TTC39C: variants seen among roughly 807,000 people sequenced by gnomAD.
TTC39C encodes tetratricopeptide repeat domain 39C.
A neutral mutation model predicts 76.3 loss-of-function variants in TTC39C; 33 were observed. That is an observed-to-expected ratio of 0.43 (90% CI 0.33 to 0.58). The LOEUF (loss-of-function observed/expected upper bound fraction) is 0.58. Ranked by LOEUF, TTC39C falls within the 20% of genes least tolerant of loss-of-function variation. TTC39C has a pLI of 0.04. For synonymous variants in TTC39C, 254 were observed against 260.6 expected (o/e 0.97, Z 0.24); for missense variants, 595 against 701.4 (o/e 0.85, Z 1.71).
chr18:23,998,586 G>C (rs1480898704), intron 1 of TTC39C, among the ~76,000 whole-genome samples: 2 of 151,802 alleles, frequency 1.3e-5, no homozygotes, highest in African/African-American at 4.8e-5. Flanking sequence ...CTCCAGCCCG[G>C]GTGACAGAGC....
intron 6 of TTC39C, among the ~76,000 whole-genome samples, chr18:24,097,969 C>G (rs115827323): frequency 9.2e-5 from 14 of 152,196 alleles, no homozygotes; most frequent in African/African-American, 3.4e-4. Flanking sequence ...GAAATTCATG[C>G]ATAGTTTTAT....
intron 1 of TTC39C, among the ~76,000 whole-genome samples, chr18:24,033,382 CT>C (rs2083696137): frequency 6.6e-6 from 1 of 152,174 alleles, no homozygotes. Flanking sequence ...AGATTCTTGA[CT>C]TTGCTTTGCT....
chr18:24,109,610 A>G (rs1343012434), intron 6 of TTC39C, among the ~76,000 whole-genome samples: 1 of 152,244 alleles, frequency 6.6e-6, no homozygotes, highest in Non-Finnish European at 1.5e-5. Flanking sequence ...AGCACAGGAA[A>G]TATGAAAATA....
intron 6 of TTC39C, among the ~76,000 whole-genome samples, chr18:24,096,630 C>T (rs1194208006): frequency 6.6e-6 from 1 of 152,076 alleles, no homozygotes. Flanking sequence ...CAGGGATGTG[C>T]GTTTGTTTCG....
chr18:24,047,312 C>T (rs540100421), intron 1 of TTC39C, among the ~76,000 whole-genome samples: 1 of 151,646 alleles, frequency 6.6e-6, no homozygotes, highest in African/African-American at 2.4e-5. Flanking sequence ...AGGCTGATCT[C>T]GAACTCCTGG....
intron 1 of TTC39C, among the ~76,000 whole-genome samples, chr18:24,034,150 G>A (rs1303638757): frequency 6.6e-6 from 1 of 152,184 alleles, no homozygotes; most frequent in African/African-American, 2.4e-5. Context: ...CACTGGCCAA[G>A]AAAAACTTCC....
intron 6 of TTC39C, among the ~76,000 whole-genome samples, chr18:24,096,087 A>G (rs1393613728): frequency 6.6e-6 from 1 of 152,246 alleles, no homozygotes; most frequent in Non-Finnish European, 1.5e-5. Context: ...ATCACTGATC[A>G]TAGATCACCA....
intron 1 of TTC39C, 138 bp downstream of exon 1, chr18:24,015,176 C>T (rs1197321238): frequency 2.8e-6 from 2 of 721,810 alleles, no homozygotes; most frequent in African/African-American, 1.9e-5. Flanking sequence ...TCCTCCCTGG[C>T]AAGATCAGCC....
chr18:24,124,296 T>A lies in TTC39C; in HGVS notation c.1296+353T>A, dbSNP rs183516325. ...GGGTAACTGGAGTATAGTTTTTTTT[T>A]AAATTTTAATGAATGGAGACTATAC... On this transcript the variant is annotated intron_variant, in intron 9 of 13. Transcript: ENST00000317571. 3.6e-3 allele frequency: 580 copies of A among 161,064 alleles called. 4 individuals are homozygous for A. Among genetic ancestry groups the A allele is most frequent in the African/African-American group, 0.012 (508 of 41,816 alleles). 10.0% of individuals were successfully genotyped at this position (161,064 alleles called of 1,614,324 possible). A position where few individuals can be genotyped will look rare whatever the true frequency, so the allele number is the denominator to read the frequency against.
chr18:24,117,741 C>T (rs1275998560), intron 7 of TTC39C, among the ~76,000 whole-genome samples: 1 of 151,566 alleles, frequency 6.6e-6, no homozygotes, highest in Non-Finnish European at 1.5e-5. Context: ...GAGTGGTAGT[C>T]ACTGAGTACA....
At chr18:24,080,077 C>G (rs1453057918) in intron 4 of TTC39C, among the ~76,000 whole-genome samples, 21 of 152,176 alleles carry the variant, frequency 1.4e-4, no homozygotes, top group Admixed American at 1.4e-3. Context: ...GCTGAGATTA[C>G]AGGCATGAGC....
chr18:24,098,860 G>C (rs1343355657), intron 6 of TTC39C, among the ~76,000 whole-genome samples: 1 of 151,804 alleles, frequency 6.6e-6, no homozygotes, highest in African/African-American at 2.4e-5. Flanking sequence ...TCGAACTCCT[G>C]ACCTCAAGTG....
In TTC39C at chr18:24,125,562, A is replaced by T. The variant is rs766385269; in HGVS notation, c.1420+12A>T. ...GAGGATGAGTCAAGGTAAAAAATTT[A>T]AAAAAACCCAAAACTGTCTACTGGA... On this transcript the variant is annotated intron_variant, in intron 10 of 13. Coordinates refer to ENST00000317571, the MANE Select transcript of TTC39C (RefSeq NM_001135993.2). 177 of 1,613,858 alleles carry T rather than the reference A, an allele frequency of 1.1e-4. No individual in the cohort carries two copies. The highest frequency in any genetic ancestry group is 1.7e-4 in the Middle Eastern group (1 of 6,058).
At chr18:23,995,043 A>G (rs973394268) in intron 1 of TTC39C, among the ~76,000 whole-genome samples, 1 of 152,196 alleles carries the variant, frequency 6.6e-6, no homozygotes, top group African/African-American at 2.4e-5. Flanking sequence ...TCAGCATTGC[A>G]ATTATGATAC....
At position 24,014,944 on chromosome 18, in the gene TTC39C, G is replaced by A; in HGVS notation, c.73G>A (p.Ala25Thr). 1 of 1,526,756 alleles carries A rather than the reference G, an allele frequency of 6.5e-7. No homozygotes were observed. The highest frequency in any genetic ancestry group is 8.8e-7 in the Non-Finnish European group (1 of 1,137,010). 94.6% of individuals were successfully genotyped at this position (1,526,756 alleles called of 1,614,324 possible). The change falls in exon 1 of 14, where the codon GCG (alanine) becomes ACG (threonine). Residue 25 changes from alanine (A) to threonine (T), a missense_variant. Ala to Thr is a moderately conservative substitution (Grantham distance 58). Transcript: ENST00000317571. ...GDSDAAAAAA[A>T]PLQDAELALA... is the part of the protein sequence containing the mutation. ...CTCGGACGCGGCAGCGGCGGCGGCG[G>A]CGCCCCTGCAGGACGCGGAGCTGGC...
intron 6 of TTC39C, among the ~76,000 whole-genome samples, chr18:24,097,987 C>T (rs562576897): frequency 1.3e-5 from 2 of 152,074 alleles, no homozygotes; most frequent in Admixed American, 1.3e-4. Context: ...TATTATAATG[C>T]ACATTTTCTA....
chr18:24,110,527 G>A (rs888688899), intron 6 of TTC39C, among the ~76,000 whole-genome samples: 5 of 152,170 alleles, frequency 3.3e-5, no homozygotes, highest in African/African-American at 1.2e-4. Flanking sequence ...CTAAGAGGAT[G>A]ATATTGTGAC....
At chr18:24,051,924 T>C (rs935597042) in intron 1 of TTC39C, among the ~76,000 whole-genome samples, 1 of 152,184 alleles carries the variant, frequency 6.6e-6, no homozygotes, top group African/African-American at 2.4e-5. Context: ...GATTCTGTCC[T>C]AGGTGGTCAG....
chr18:24,059,353 C>T (rs2084060460), intron 1 of TTC39C, among the ~76,000 whole-genome samples: 1 of 152,018 alleles, frequency 6.6e-6, no homozygotes, highest in Non-Finnish European at 1.5e-5. Flanking sequence ...TTTCCAGTCC[C>T]CTCCCTCCTC....
Sources: gnomAD v4.1 joint callset for allele counts (sites outside exome capture counted in the v4.1 genomes callset) on GRCh38, gnomAD v4.1.1 for gene constraint, MANE v1.5 for transcripts, NCBI Gene and HGNC (gene_info 2026-07-23, HGNC 2026-07-21) for gene names.